Variants in DLGAP2 observed in about 807,000 individuals in gnomAD.
DLGAP2 encodes the protein disks large-associated protein 2.
Under a neutral mutation model 100.3 loss-of-function variants are expected in DLGAP2, and 26 were observed. The ratio of observed to expected loss-of-function variants is 0.26; its 90% CI spans 0.19 to 0.36. The LOEUF (loss-of-function observed/expected upper bound fraction) is 0.36. Ranked by LOEUF, DLGAP2 falls within the 10% of genes least tolerant of loss-of-function variation. The probability of loss-of-function intolerance (pLI) is 1.00; values close to 1 mark genes in which losing one functional copy is unlikely to be tolerated. For missense variants in DLGAP2, 1,858 were observed against 1,453.2 expected, an observed-to-expected ratio of 1.28 and a Z score of -4.53; for synonymous variants, 886 against 630.1, an observed-to-expected ratio of 1.41 and a Z score of -6.08.
intron 4 of DLGAP2, among the ~76,000 whole-genome samples, chr8:1,516,375 G>A (rs1024699472): frequency 3.3e-5 from 5 of 151,976 alleles, no homozygotes; most frequent in Non-Finnish European, 7.4e-5. Context: ...GAATGAGTGA[G>A]TGAGTGACTG....
At chr8:1,583,286 G>A (rs906312239) in intron 6 of DLGAP2, among the ~76,000 whole-genome samples, 1 of 152,184 alleles carries the variant, frequency 6.6e-6, no homozygotes, top group Non-Finnish European at 1.5e-5. Context: ...GAGTAACCAA[G>A]AGAACACCAG....
At chr8:1,586,053 TA>T (rs909651673) in intron 6 of DLGAP2, among the ~76,000 whole-genome samples, 1 of 152,246 alleles carries the variant, frequency 6.6e-6, no homozygotes, top group African/African-American at 2.4e-5. Flanking sequence ...GTTGCTGTCA[TA>T]AAAACTGCCA....
chr8:1,316,015 A>G (rs1408352355), intron 3 of DLGAP2, among the ~76,000 whole-genome samples: 16 of 129,462 alleles, frequency 1.2e-4, no homozygotes, highest in Admixed American at 4.2e-4. Flanking sequence ...TCTCTCCAAC[A>G]GTGGTCTACA....
At chr8:1,305,784 C>T (rs1469132240) in intron 3 of DLGAP2, among the ~76,000 whole-genome samples, 1 of 152,204 alleles carries the variant, frequency 6.6e-6, no homozygotes, top group Admixed American at 6.5e-5. Flanking sequence ...TTCGAGAGCA[C>T]TTGAGTAACA....
intron 3 of DLGAP2, among the ~76,000 whole-genome samples, chr8:1,331,144 A>C (rs1801149071): frequency 6.6e-6 from 1 of 152,156 alleles, no homozygotes; most frequent in African/African-American, 2.4e-5. Flanking sequence ...TTAATAATCA[A>C]ATGGCCGTCA....
At chr8:1,195,720 C>G (rs936865638) in intron 2 of DLGAP2, among the ~76,000 whole-genome samples, 1 of 152,074 alleles carries the variant, frequency 6.6e-6, no homozygotes, top group Non-Finnish European at 1.5e-5. Flanking sequence ...TATGTCAGAA[C>G]GTTTGTTTAA....
At chr8:1,456,359 C>T (rs146555041) in intron 3 of DLGAP2, among the ~76,000 whole-genome samples, 15 of 152,306 alleles carry the variant, frequency 9.8e-5, no homozygotes, top group African/African-American at 2.9e-4. Flanking sequence ...GACCGAAATT[C>T]TGTCGTCTTC....
intron 3 of DLGAP2, among the ~76,000 whole-genome samples, chr8:1,386,490 C>A (rs372492030): frequency 1.3e-5 from 2 of 152,172 alleles, no homozygotes; most frequent in Non-Finnish European, 2.9e-5. Flanking sequence ...AGAATTCCCT[C>A]CAGAATCCTG....
In DLGAP2 at chr8:985,357, C is replaced by T. The variant is rs1035926282; in HGVS notation, c.73+77391C>T. Reference sequence around the variant, plus strand: ...AGAGTCAGATCTAATGCTGTGTAGGCAAGTTGCTTAATTCCTCAGAACTGT... The same window carrying T: ...AGAGTCAGATCTAATGCTGTGTAGGTAAGTTGCTTAATTCCTCAGAACTGT... On this transcript the variant is annotated intron_variant, in intron 2 of 14. Coordinates refer to ENST00000637795, the MANE Select transcript of DLGAP2 (RefSeq NM_001346810.2). Among the ~76,000 whole-genome samples, 122 of 152,282 alleles carry T rather than the reference C, an allele frequency of 8.0e-4. 1 individual carries two copies. The highest frequency in any genetic ancestry group is 1.3e-4 in the Non-Finnish European group (9 of 68,038).
At chr8:1,452,484 C>G (rs945554628) in intron 3 of DLGAP2, among the ~76,000 whole-genome samples, 1 of 152,228 alleles carries the variant, frequency 6.6e-6, no homozygotes, top group South Asian at 2.1e-4. Flanking sequence ...ATGGTCATCT[C>G]AGGGCCGCTA....
chr8:1,309,662 A>C (rs1018453804), intron 3 of DLGAP2, among the ~76,000 whole-genome samples: 1 of 152,234 alleles, frequency 6.6e-6, no homozygotes, highest in Admixed American at 6.5e-5. Flanking sequence ...AGCGATGGTG[A>C]ATACAGGGAC....
rs138508370 is a variant in DLGAP2, at chr8:748,641, C to G, written c.18+10816C>G. 1.8e-3 allele frequency among the ~76,000 whole-genome samples: 276 copies of G among 152,294 alleles called. 1 individual carries two copies. Among genetic ancestry groups the G allele is most frequent in the Non-Finnish European group, 2.9e-3 (200 of 68,028 alleles). On this transcript the variant is annotated intron_variant, in intron 1 of 14. Transcript: ENST00000637795. Reference sequence around the variant, plus strand: ...AGTGCTTACATATATTGGGTGACATCCAGCCCTGCGGTGCTGTGAATTTGC... The same window carrying G: ...AGTGCTTACATATATTGGGTGACATGCAGCCCTGCGGTGCTGTGAATTTGC...
At chr8:869,894 A>T (rs1471231833) in intron 1 of DLGAP2, among the ~76,000 whole-genome samples, 3 of 151,874 alleles carry the variant, frequency 2.0e-5, no homozygotes, top group Non-Finnish European at 4.4e-5. Flanking sequence ...GAGCAGCGGG[A>T]CTCTGCTCTG....
intron 2 of DLGAP2, among the ~76,000 whole-genome samples, chr8:993,704 G>A (rs1299336316): frequency 1.3e-5 from 2 of 151,398 alleles, no homozygotes; most frequent in Admixed American, 6.6e-5. Flanking sequence ...TGCCTCTCAG[G>A]GATATTTATA....
At chr8:1,186,003 C>A (rs1585132071) in intron 2 of DLGAP2, among the ~76,000 whole-genome samples, 1 of 152,168 alleles carries the variant, frequency 6.6e-6, no homozygotes, top group South Asian at 2.1e-4. Flanking sequence ...AGCTTCCTTG[C>A]CCTGTCCCTG....
At chr8:1,154,425 A>T (rs188772480) in intron 2 of DLGAP2, among the ~76,000 whole-genome samples, 6 of 151,604 alleles carry the variant, frequency 4.0e-5, no homozygotes, top group African/African-American at 1.5e-4. Context: ...CAACTGATCA[A>T]AGTAGTAGGT....
At chr8:949,761 G>C (rs1475916591) in intron 2 of DLGAP2, among the ~76,000 whole-genome samples, 1 of 152,242 alleles carries the variant, frequency 6.6e-6, no homozygotes, top group Non-Finnish European at 1.5e-5. Context: ...CGGGCAGAGA[G>C]TAGAGCTAAG....
intron 1 of DLGAP2, chr8:822,171 C>G: frequency 2.5e-6 from 1 of 399,610 alleles, no homozygotes; most frequent in Non-Finnish European, 4.4e-6. Context: ...GCGCCCAGCC[C>G]AGCCACAATG....
chr8:1,490,279 A>G (rs957450998), intron 3 of DLGAP2, among the ~76,000 whole-genome samples: 2 of 152,124 alleles, frequency 1.3e-5, no homozygotes, highest in Admixed American at 1.3e-4. Context: ...CAATAATTAG[A>G]GCTGTGATTG....
Sources: gnomAD v4.1 joint callset for allele counts (sites outside exome capture counted in the v4.1 genomes callset) on GRCh38, gnomAD v4.1.1 for gene constraint, MANE v1.5 for transcripts, NCBI Gene and HGNC (gene_info 2026-07-23, HGNC 2026-07-21) for gene names.